The following SFI1 variants were observed in gnomAD, a reference collection of about 807,000 sequenced individuals.
The protein encoded by SFI1 is SFI1 centrin binding protein.
Under a neutral mutation model 207.5 loss-of-function variants are expected in SFI1, and 195 were observed. That is an observed-to-expected ratio of 0.94 (90% CI 0.84 to 1.06). The LOEUF is 1.06. Ranked by LOEUF, SFI1 falls within the 50% of genes least tolerant of loss-of-function variation. SFI1 has a pLI of 0.00. For synonymous variants in SFI1, 630 were observed against 598.9 expected (o/e 1.05, Z -0.76); for missense variants, 1,634 against 1,588.0 (o/e 1.03, Z -0.49).
intron 3 of SFI1, among the ~76,000 whole-genome samples, chr22:31,530,314 C>T (rs1030943723): frequency 4.1e-4 from 61 of 148,250 alleles, no homozygotes; most frequent in African/African-American, 1.4e-3. Context: ...CATGGTGAAA[C>T]CTGGTCTCTA....
chr22:31,576,879 A>G (rs1831975346), intron 10 of SFI1, among the ~76,000 whole-genome samples: 1 of 152,126 alleles, frequency 6.6e-6, no homozygotes, highest in African/African-American at 2.4e-5. Flanking sequence ...TGACGACCTC[A>G]GGTGATCTGC....
intron 15 of SFI1, among the ~76,000 whole-genome samples, chr22:31,592,969 C>T (rs1480425653): frequency 8.1e-6 from 1 of 122,882 alleles, no homozygotes; most frequent in East Asian, 2.6e-4. Flanking sequence ...GACGGGGCGG[C>T]TGGCCGGGCG....
intron 4 of SFI1, among the ~76,000 whole-genome samples, chr22:31,532,553 C>T (rs975765445): frequency 6.6e-6 from 1 of 152,160 alleles, no homozygotes; most frequent in African/African-American, 2.4e-5. Context: ...CTTTCCCTTA[C>T]TGTAATCTTT....
chr22:31,568,565 A>C (rs1196277379), intron 8 of SFI1, among the ~76,000 whole-genome samples: 1 of 150,052 alleles, frequency 6.7e-6, no homozygotes, highest in Non-Finnish European at 1.5e-5. Flanking sequence ...AAGCATTAGA[A>C]GCAGTGACAG....
At position 31,508,316 on chromosome 22, in the gene SFI1, C is replaced by G; in HGVS notation, c.32C>G (p.Ser11Ter). 1.2e-6 allele frequency: 2 copies of G among 1,613,006 alleles called. No homozygotes were observed. Among genetic ancestry groups the G allele is most frequent in the South Asian group, 1.1e-5 (1 of 91,018 alleles). Residue 11 changes from serine (S) to a stop codon, truncating the protein, a stop_gained, in exon 2 of 33, where the codon TCA (serine) becomes TGA (stop). Transcript: ENST00000400288. LOFTEE classifies it high-confidence loss of function. The part of the protein sequence containing the change: MKNLLTEKCI[S>*]SHNFHQKVIK... ...AATCTGCTCACTGAGAAGTGTATAT[C>G]AAGCCACAATTTCCATCAAAAAGTG... is the stretch of plus-strand genomic sequence containing the variant.
rs1320427088 is a variant in SFI1 at position 31,603,818 on chromosome 22, A to AG, written c.1881+1dup. The AG allele has an allele frequency of 6.4e-7, 1 of 1,572,668 alleles. No individual in the cohort carries two copies. Among genetic ancestry groups the AG allele is most frequent in the African/African-American group, 1.4e-5 (1 of 71,432 alleles). On this transcript the variant is annotated frameshift_variant and splice_region_variant, in exon 18 of 33. Transcript: ENST00000400288. LOFTEE classifies it high-confidence loss of function. ...CGTTGGGCCTGGAGCCAGTGGAGGG[A>AG]GGTAAGGCTTTGGTGCGAGGTGCCA...
intron 8 of SFI1, among the ~76,000 whole-genome samples, chr22:31,564,524 G>A (rs567185859): frequency 3.3e-5 from 5 of 151,726 alleles, no homozygotes; most frequent in African/African-American, 9.7e-5. Flanking sequence ...ATTTTTTGGG[G>A]GACAGGATCT....
At chr22:31,563,060 C>G (rs2061892492) in intron 8 of SFI1, among the ~76,000 whole-genome samples, 1 of 151,776 alleles carries the variant, frequency 6.6e-6, no homozygotes, top group Admixed American at 6.6e-5. Flanking sequence ...GTGGCGCGAT[C>G]TTGCCTCACT....
chr22:31,607,886 C>T (rs146506310), intron 21 of SFI1, 51 bp from the exon 22 acceptor site: 20,866 of 1,560,584 alleles, frequency 0.013, 166 homozygotes, highest in Non-Finnish European at 0.015. Flanking sequence ...GGGGTGGACC[C>T]GGAAGCCAGG....
At chr22:31,516,895 A>G (rs757304460) in intron 2 of SFI1, among the ~76,000 whole-genome samples, 2 of 152,096 alleles carry the variant, frequency 1.3e-5, no homozygotes, top group Non-Finnish European at 2.9e-5. Context: ...CGGAGGTTGC[A>G]GTGAGCCGAG....
At chr22:31,609,815 T>C (rs947114539) in intron 22 of SFI1, among the ~76,000 whole-genome samples, 4 of 152,244 alleles carry the variant, frequency 2.6e-5, no homozygotes, top group African/African-American at 9.6e-5. Flanking sequence ...GCTCTGGAGC[T>C]TCTGCACCTG....
At position 31,515,485 on chromosome 22, in the gene SFI1, C is replaced by T. The variant is rs1212079581; in HGVS notation, c.92+7109C>T. Among the ~76,000 whole-genome samples the T allele has an allele frequency of 2.7e-5, 4 of 150,674 alleles. No individual in the cohort carries two copies. The East Asian group carries it at 5.9e-4, about 22-fold the overall frequency. ...TCCTCAGCCTCCCAGCTCATGCAAT[C>T]CTCCTTCCTCAGCCTCCCAAGTAGC... On this transcript the variant is annotated intron_variant, in intron 2 of 32. Transcript: ENST00000400288.
chr22:31,554,121 A>G lies in SFI1; in HGVS notation c.545-2821A>G, dbSNP rs376603361. ...CCAAAGCCCTGGGATTACAGTCATG[A>G]GCCACTGTGCCCAGCTGGATTATAT... On this transcript the variant is annotated intron_variant, in intron 6 of 32. Transcript: ENST00000400288. Among the ~76,000 whole-genome samples, 8 of 151,746 alleles carry G rather than the reference A, an allele frequency of 5.3e-5. 1 individual carries two copies. The East Asian group carries it at 9.7e-4, about 18-fold the overall frequency.
chr22:31,506,445 T>A (rs774620310), intron 1 of SFI1, among the ~76,000 whole-genome samples: 5 of 152,070 alleles, frequency 3.3e-5, no homozygotes, highest in Non-Finnish European at 7.4e-5. Context: ...AAATAAGAAA[T>A]CTTGGCCTCT....
intron 14 of SFI1, among the ~76,000 whole-genome samples, chr22:31,585,665 T>C (rs546202779): frequency 5.9e-5 from 9 of 152,312 alleles, no homozygotes; most frequent in Non-Finnish European, 1.2e-4. Flanking sequence ...AACTGTGATA[T>C]AAAGTCAATA....
chr22:31,548,890 A>T (rs1483100735), intron 5 of SFI1, among the ~76,000 whole-genome samples: 1 of 152,032 alleles, frequency 6.6e-6, no homozygotes, highest in Admixed American at 6.6e-5. Flanking sequence ...AGGTCTTAAG[A>T]TGTATAGTGT....
rs1263588551 is a variant in SFI1, at chr22:31,538,025, G to A, written c.338+6896G>A. 5.4e-4 allele frequency among the ~76,000 whole-genome samples: 82 copies of A among 152,188 alleles called. 2 individuals carry two copies. Among genetic ancestry groups the A allele is most frequent in the Non-Finnish European group, 5.9e-5 (4 of 68,032 alleles). ...TCACTCTTGTTGCCCAGGCTGGAGT[G>A]CAGTGACGCGATCTTGGCTCACTGC... On this transcript the variant is annotated intron_variant, in intron 4 of 32. Transcript: ENST00000400288.
intron 24 of SFI1, 33 bp downstream of exon 24, chr22:31,611,873 C>T (rs1265242310): frequency 3.1e-6 from 5 of 1,611,770 alleles, no homozygotes; most frequent in Non-Finnish European, 4.2e-6. Flanking sequence ...CTCTGCACTT[C>T]CTTCTCCATC....
chr22:31,616,496 G>A (rs964224509), intron 29 of SFI1: 8 of 430,410 alleles, frequency 1.9e-5, no homozygotes, highest in Non-Finnish European at 2.9e-5. Context: ...GAGGCGTGAG[G>A]CGGACTGTGG....
Sources: allele counts gnomAD v4.1 joint callset (sites outside exome capture counted in the v4.1 genomes callset), GRCh38; gene constraint gnomAD v4.1.1; transcripts MANE v1.5; gene names NCBI Gene and HGNC (gene_info 2026-07-23, HGNC 2026-07-21).